The following BROX variants were observed in gnomAD, a reference collection of about 807,000 sequenced individuals.
The protein encoded by BROX is BRO1 domain and CAAX motif containing, also known as BRO1 domain-containing protein BROX.
In BROX, 53 loss-of-function variants were observed where a neutral mutation model predicts 61.0. The observed-to-expected ratio is 0.87, with a 90% CI of 0.70 to 1.09. The LOEUF (loss-of-function observed/expected upper bound fraction) is 1.09. Ranked by LOEUF, BROX falls within the 50% of genes least tolerant of loss-of-function variation. BROX has a pLI of 0.00. For synonymous variants in BROX, 152 were observed against 160.2 expected (o/e 0.95, Z 0.38); for missense variants, 489 against 472.0 (o/e 1.04, Z -0.33).
In BROX at chr1:222,733,510, C is replaced by G. The variant is rs2125049687; in HGVS notation, c.*796C>G. 1 of 152,308 alleles carries G rather than the reference C, an allele frequency of 6.6e-6. No individual in the cohort carries two copies. The highest frequency in any genetic ancestry group is 2.4e-5 in the African/African-American group (1 of 41,566). The allele number at this position is 152,308 out of a possible 1,614,324, so 9.4% of individuals were successfully genotyped here. On this transcript the variant is annotated 3_prime_UTR_variant, in exon 13 of 13. Transcript: ENST00000340934. ...TTTCTCCATTGTGTTAATCAGAGCGCAGACTTACATTCTCAGTCATTTATC... is the reference window on the plus strand; with the variant it reads ...TTTCTCCATTGTGTTAATCAGAGCGGAGACTTACATTCTCAGTCATTTATC...
chr1:222,730,403 C>T (rs1054217751), intron 11 of BROX, among the ~76,000 whole-genome samples: 3 of 152,002 alleles, frequency 2.0e-5, no homozygotes, highest in African/African-American at 4.8e-5. Context: ...TGAGACCAGC[C>T]TGGGCAACAT....
At position 222,725,451 on chromosome 1, in the gene BROX, A is replaced by G. The variant is rs1657430694; in HGVS notation, c.476A>G (p.Glu159Gly). 1 of 1,591,124 alleles carries G rather than the reference A, an allele frequency of 6.3e-7. No individual in the cohort carries two copies. Among genetic ancestry groups the G allele is most frequent in the Non-Finnish European group, 8.5e-7 (1 of 1,171,628 alleles). ...TGTCTTTTTTGTTGTTGTTCTCAGG[A>G]AAGTCATCTCCCAAAACTCATTACA... is the stretch of plus-strand genomic sequence containing the variant. ...IAAGIFKHLK[E>G]SHLPKLITPA... The change falls in exon 7 of 13, where the codon GAA (glutamate) becomes GGA (glycine). Residue 159 changes from glutamate (E) to glycine (G), a missense_variant and splice_region_variant. Coordinates refer to ENST00000340934, the MANE Select transcript of BROX (RefSeq NM_144695.4).
Position 222,728,350 on chromosome 1 carries a change from G to A in BROX, c.671-393G>A, listed in dbSNP as rs577963681. ...GTGTTTCACATAAAATTCAGTGATG[G>A]GGGTAGAGAGGAGAGTATCCTATTT... On this transcript the variant is annotated intron_variant, in intron 8 of 12. Transcript: ENST00000340934. 3.3e-5 allele frequency among the ~76,000 whole-genome samples: 5 copies of A among 152,204 alleles called. No homozygotes were observed. The East Asian group carries it at 9.6e-4, about 29-fold the overall frequency.
intron 4 of BROX, among the ~76,000 whole-genome samples, chr1:222,721,436 C>A: frequency 6.8e-6 from 1 of 146,040 alleles, no homozygotes; most frequent in South Asian, 2.1e-4. Context: ...ACAGGGGCAA[C>A]AAGTAACTAA....
Position 222,722,346 on chromosome 1 carries a change from G to A in BROX, c.306-73G>A, listed in dbSNP as rs558065502. 6.4e-5 allele frequency: 80 copies of A among 1,247,080 alleles called. 1 individual carries two copies. In the South Asian group the frequency reaches 8.4e-4, roughly 13 times the overall value. 77.3% of individuals were successfully genotyped at this position (1,247,080 alleles called of 1,614,324 possible). A position where few individuals can be genotyped will look rare whatever the true frequency, so the allele number is the denominator to read the frequency against. On this transcript the variant is annotated intron_variant, in intron 4 of 12. Coordinates refer to ENST00000340934, the MANE Select transcript of BROX (RefSeq NM_144695.4). Reference sequence around the variant, plus strand: ...ATATACTTCTTTGTAATTTTGAGTCGGATATCCAGTAGGCTTCATGGTGTG... The same window carrying A: ...ATATACTTCTTTGTAATTTTGAGTCAGATATCCAGTAGGCTTCATGGTGTG...
At position 222,732,742 on chromosome 1, in the gene BROX, A is replaced by G; in HGVS notation, c.*28A>G. 6.5e-7 allele frequency: 1 copy of G among 1,533,038 alleles called. No homozygotes were observed. Among genetic ancestry groups the G allele is most frequent in the Non-Finnish European group, 9.0e-7 (1 of 1,113,038 alleles). 95.0% of individuals were successfully genotyped at this position (1,533,038 alleles called of 1,614,324 possible). On this transcript the variant is annotated 3_prime_UTR_variant, in exon 13 of 13. Coordinates refer to ENST00000340934, the MANE Select transcript of BROX (RefSeq NM_144695.4). ...TACAACTTGCACTTAGAATTTCTCT[A>G]GCAGTAAATAAGATAAACCACAGAA...
At chr1:222,725,308 TTA>T (rs1368635590) in intron 6 of BROX, 140 bp from the exon 7 acceptor site, 1 of 548,618 alleles carries the variant, frequency 1.8e-6, no homozygotes, top group African/African-American at 1.9e-5. Flanking sequence ...TTGTTAGTTT[TTA>T]TAGTTTTTGT....
chr1:222,731,320 C>A (rs1187126574), intron 11 of BROX, 37 bp from the exon 12 acceptor site: 1 of 1,523,818 alleles, frequency 6.6e-7, no homozygotes. Flanking sequence ...AAATAACGAA[C>A]AAATGAATGA....
intron 11 of BROX, among the ~76,000 whole-genome samples, chr1:222,731,103 G>A (rs1337552615): frequency 6.6e-6 from 1 of 151,824 alleles, no homozygotes; most frequent in African/African-American, 2.4e-5. Context: ...CACTTCCTTC[G>A]GAAAGAGTCA....
At chr1:222,722,544 C>A (rs1657176896) in intron 5 of BROX, 30 bp downstream of exon 5, 3 of 1,453,428 alleles carry the variant, frequency 2.1e-6, no homozygotes, top group African/African-American at 2.8e-5. Context: ...TTGTGTACAT[C>A]TGTGTTATTT....
At chr1:222,726,846 C>T (rs1460564317) in intron 7 of BROX, among the ~76,000 whole-genome samples, 1 of 152,152 alleles carries the variant, frequency 6.6e-6, no homozygotes, top group Non-Finnish European at 1.5e-5. Context: ...GATCAAGCCA[C>T]TGCACTCCAT....
chr1:222,730,064 A>G lies in BROX; in HGVS notation c.876A>G (p.Gly292=). The G allele has an allele frequency of 6.2e-7, 1 of 1,612,784 alleles. No individual in the cohort carries two copies. Among genetic ancestry groups the G allele is most frequent in the South Asian group, 1.1e-5 (1 of 90,800 alleles). Reference sequence around the variant, plus strand: ...CAGAAGCACTGTGTAAAGAATATGGAGAAACCAAAGGACCTGGACCAACAG... The same window carrying G: ...CAGAAGCACTGTGTAAAGAATATGGGGAAACCAAAGGACCTGGACCAACAG... The part of the protein sequence containing the change: ...AKAEALCKEY[G]ETKGPGPTVK... The change falls in exon 11 of 13, where the codon GGA becomes GGG. Residue 292 remains glycine (G), a synonymous_variant. Coordinates refer to ENST00000340934, the MANE Select transcript of BROX (RefSeq NM_144695.4).
chr1:222,717,133 T>C (rs933119169), intron 2 of BROX, among the ~76,000 whole-genome samples: 8 of 152,254 alleles, frequency 5.3e-5, no homozygotes, highest in African/African-American at 1.9e-4. Context: ...TTTTAGGCTT[T>C]GTGGTCACAT....
In BROX at chr1:222,712,678, G is replaced by C; in HGVS notation, c.-281G>C. 1 of 1,296,742 alleles carries C rather than the reference G, an allele frequency of 7.7e-7. No homozygotes were observed. Among genetic ancestry groups the C allele is most frequent in the Non-Finnish European group, 1.0e-6 (1 of 992,822 alleles). 80.3% of individuals were successfully genotyped at this position (1,296,742 alleles called of 1,614,324 possible). A position where few individuals can be genotyped will look rare whatever the true frequency, so the allele number is the denominator to read the frequency against. ...CCATAGCTCAAAAGGAAGGCCGAGG[G>C]AGAAGTTAGAAAGGGATGATGAACG... On this transcript the variant is annotated 5_prime_UTR_variant, in exon 1 of 13. Coordinates refer to ENST00000340934, the MANE Select transcript of BROX (RefSeq NM_144695.4).
chr1:222,712,858 G>T lies in BROX; in HGVS notation c.-101G>T. 4 of 1,274,926 alleles carry T rather than the reference G, an allele frequency of 3.1e-6. No homozygotes were observed. The highest frequency in any genetic ancestry group is 4.1e-6 in the Non-Finnish European group (4 of 979,434). 79.0% of individuals were successfully genotyped at this position (1,274,926 alleles called of 1,614,324 possible). On this transcript the variant is annotated 5_prime_UTR_variant, in exon 1 of 13. Transcript: ENST00000340934. ...CCTGGTTCTGTAGTCTCGGTTCTCCGACTCCCTCTTTTTCTCGCTTGTGGA... is the reference window on the plus strand; with the variant it reads ...CCTGGTTCTGTAGTCTCGGTTCTCCTACTCCCTCTTTTTCTCGCTTGTGGA...
At chr1:222,717,459 G>A (rs1221563336) in intron 2 of BROX, among the ~76,000 whole-genome samples, 1 of 152,168 alleles carries the variant, frequency 6.6e-6, no homozygotes, top group Admixed American at 6.5e-5. Context: ...AACTTTACAA[G>A]TTGAGCTGTA....
rs1386195172 is a variant in BROX, at chr1:222,712,565, C to G, written c.-394C>G. 4.3e-6 allele frequency: 6 copies of G among 1,383,646 alleles called. No homozygotes were observed. 85.7% of individuals were successfully genotyped at this position (1,383,646 alleles called of 1,614,324 possible). On this transcript the variant is annotated 5_prime_UTR_variant, in exon 1 of 13. Coordinates refer to ENST00000340934, the MANE Select transcript of BROX (RefSeq NM_144695.4). Reference sequence around the variant, plus strand: ...CCCGGGTTAGGTTGAGGCCGCCCCACTGCGCCGAGGGCCGCCATCGCTATT... The same window carrying G: ...CCCGGGTTAGGTTGAGGCCGCCCCAGTGCGCCGAGGGCCGCCATCGCTATT...
rs2125052060 is a variant in BROX at position 222,734,835 on chromosome 1, T to A, written c.*2121T>A. 6.6e-6 allele frequency: 1 copy of A among 152,334 alleles called. No homozygotes were observed. The highest frequency in any genetic ancestry group is 2.1e-4 in the South Asian group (1 of 4,828). 9.4% of individuals were successfully genotyped at this position (152,334 alleles called of 1,614,324 possible). On this transcript the variant is annotated 3_prime_UTR_variant, in exon 13 of 13. Coordinates refer to ENST00000340934, the MANE Select transcript of BROX (RefSeq NM_144695.4). ...CATTTTTGGGGATGATACTACCATA[T>A]ACGAAATGGAAAATGTAATATGCTC...
rs775371560 is a variant in BROX, at chr1:222,718,963, T to A, written c.140T>A (p.Phe47Tyr). Residue 47 changes from phenylalanine to tyrosine, a missense_variant, in exon 3 of 13, where the codon TTC (phenylalanine) becomes TAC (tyrosine). Coordinates refer to ENST00000340934, the MANE Select transcript of BROX (RefSeq NM_144695.4). ...TCCAGGGCACGACTCCTTGAACTGT[T>A]CACTGATTTGAGCTGTAATCCAGAA... ...RSSRARLLEL[F>Y]TDLSCNPEMM... 7 of 1,613,816 alleles carry A rather than the reference T, an allele frequency of 4.3e-6. No homozygotes were observed. In the South Asian group the frequency reaches 7.7e-5, roughly 18 times the overall value.
Sources: gnomAD v4.1 joint callset for allele counts (sites outside exome capture counted in the v4.1 genomes callset) on GRCh38, gnomAD v4.1.1 for gene constraint, MANE v1.5 for transcripts, NCBI Gene and HGNC (gene_info 2026-07-23, HGNC 2026-07-21) for gene names.